KHDRBS1: variants seen among roughly 807,000 people sequenced by gnomAD.
The protein encoded by KHDRBS1 is KH RNA binding domain containing, signal transduction associated 1.
A neutral mutation model predicts 48.4 loss-of-function variants in KHDRBS1; 7 were observed. The ratio of observed to expected loss-of-function variants is 0.14; its 90% CI spans 0.08 to 0.27. The LOEUF (loss-of-function observed/expected upper bound fraction) is 0.27, where lower values mean the gene tolerates loss of function less well. Ranked by LOEUF, KHDRBS1 falls within the 10% of genes least tolerant of loss-of-function variation. KHDRBS1 has a pLI of 1.00. For missense variants in KHDRBS1, 458 were observed against 601.2 expected (o/e 0.76, Z 2.49); for synonymous variants, 241 against 235.8 (o/e 1.02, Z -0.20).
intron 10 of KHDRBS1, among the ~76,000 whole-genome samples, chr1:32,055,860 A>AT (rs966496221): frequency 3.9e-5 from 6 of 151,998 alleles, no homozygotes; most frequent in Non-Finnish European, 7.4e-5. Flanking sequence ...GACCTCTAGA[A>AT]TCCATTTTCC....
intron 1 of KHDRBS1, among the ~76,000 whole-genome samples, chr1:32,017,679 C>T (rs1360774274): frequency 1.5e-5 from 2 of 129,380 alleles, no homozygotes; most frequent in African/African-American, 6.0e-5. Flanking sequence ...GCGATCTTGG[C>T]TCACCGCAAC....
downstream of KHDRBS1, among the ~76,000 whole-genome samples, chr1:32,046,855 T>C (rs1639364193): frequency 6.6e-6 from 1 of 152,210 alleles, no homozygotes; most frequent in African/African-American, 2.4e-5. Flanking sequence ...GCATATGTAC[T>C]GAACAAGATT....
intron 10 of KHDRBS1, among the ~76,000 whole-genome samples, chr1:32,059,963 G>A (rs1300775375): frequency 6.6e-6 from 1 of 152,108 alleles, no homozygotes; most frequent in African/African-American, 2.4e-5. Flanking sequence ...TTACCAGACA[G>A]ACAGTAAAAA....
chr1:32,038,469 C>G, intron 6 of KHDRBS1, 83 bp from the exon 7 acceptor site: 3 of 1,330,582 alleles, frequency 2.3e-6, no homozygotes, highest in Non-Finnish European at 3.2e-6. Flanking sequence ...CAGAAGCCTA[C>G]TTACTCCCAT....
At chr1:32,036,840 C>T (rs1034402297) in intron 4 of KHDRBS1, 70 bp from the exon 5 acceptor site, 27 of 1,503,082 alleles carry the variant, frequency 1.8e-5, no homozygotes, top group South Asian at 6.4e-5. Context: ...TCAAGTCTCC[C>T]GTGGACCAGA....
At chr1:32,046,238 G>A (rs916704031), downstream of KHDRBS1, among the ~76,000 whole-genome samples, 6 of 149,418 alleles carry the variant, frequency 4.0e-5, no homozygotes, top group East Asian at 1.9e-4. Context: ...TTTTTGAGAC[G>A]GAGCCCTGCT....
chr1:32,026,310 C>T (rs1638969788), intron 1 of KHDRBS1, among the ~76,000 whole-genome samples: 1 of 152,052 alleles, frequency 6.6e-6, no homozygotes, highest in Non-Finnish European at 1.5e-5. Context: ...AGGCGCATAC[C>T]ACCATGCCTG....
chr1:32,042,688 A>C lies in KHDRBS1; in HGVS notation c.*64A>C. ...TTGTTACTGATTTCTTGTATCTCCC[A>C]GGATTCCTGTTGCTTTACCCACAAC... is the stretch of plus-strand genomic sequence containing the variant. On this transcript the variant is annotated 3_prime_UTR_variant, in exon 9 of 9. Transcript: ENST00000327300. 1 of 1,018,810 alleles carries C rather than the reference A, an allele frequency of 9.8e-7. No individual in the cohort carries two copies. Among genetic ancestry groups the C allele is most frequent in the African/African-American group, 1.6e-5 (1 of 63,460 alleles). 63.1% of individuals were successfully genotyped at this position (1,018,810 alleles called of 1,614,324 possible). A position where few individuals can be genotyped will look rare whatever the true frequency, so the allele number is the denominator to read the frequency against.
In KHDRBS1 at chr1:32,033,345, C is replaced by T; in HGVS notation, c.771+11C>T. The T allele has an allele frequency of 6.2e-7, 1 of 1,613,438 alleles. No individual in the cohort carries two copies. The highest frequency in any genetic ancestry group is 8.5e-7 in the Non-Finnish European group (1 of 1,179,380). On this transcript the variant is annotated intron_variant, in intron 4 of 8. Coordinates refer to ENST00000327300, the MANE Select transcript of KHDRBS1 (RefSeq NM_006559.3). Reference sequence around the variant, plus strand: ...AAATTTCTAGTACCGGTAAGGAAATCCATATCCTGTGTCTTCTGAGCAAAA... The same window carrying T: ...AAATTTCTAGTACCGGTAAGGAAATTCATATCCTGTGTCTTCTGAGCAAAA...
chr1:32,030,798 T>C (rs1160030895), intron 2 of KHDRBS1, among the ~76,000 whole-genome samples: 1 of 152,102 alleles, frequency 6.6e-6, no homozygotes, highest in Non-Finnish European at 1.5e-5. Context: ...TAATTTTATT[T>C]TCTTACTAAA....
At chr1:32,047,221 T>C (rs1639367606), downstream of KHDRBS1, among the ~76,000 whole-genome samples, 1 of 152,144 alleles carries the variant, frequency 6.6e-6, no homozygotes, top group African/African-American at 2.4e-5. Flanking sequence ...TGCAGTGGTG[T>C]GATTTCAGCT....
intron 1 of KHDRBS1, among the ~76,000 whole-genome samples, chr1:32,026,727 G>A (rs1462539703): frequency 1.3e-5 from 2 of 152,160 alleles, no homozygotes; most frequent in Non-Finnish European, 1.5e-5. Context: ...CAGCTGAAAG[G>A]TCTAACTCAA....
At chr1:32,029,749 T>C (rs181603075) in intron 1 of KHDRBS1, among the ~76,000 whole-genome samples, 9 of 152,332 alleles carry the variant, frequency 5.9e-5, no homozygotes, top group African/African-American at 1.9e-4. Context: ...TTAAGTACTT[T>C]ATGAAAAATT....
chr1:32,022,912 A>T (rs904610775), intron 1 of KHDRBS1, among the ~76,000 whole-genome samples: 5 of 152,106 alleles, frequency 3.3e-5, no homozygotes, highest in African/African-American at 1.2e-4. Context: ...AGTTCAGTTA[A>T]TGATATATTT....
At chr1:32,056,493 G>A (rs1439058565) in intron 10 of KHDRBS1, among the ~76,000 whole-genome samples, 1 of 152,182 alleles carries the variant, frequency 6.6e-6, no homozygotes, top group Non-Finnish European at 1.5e-5. Flanking sequence ...AACCTCTGGT[G>A]CCCACCTCAG....
At chr1:32,039,489 C>T in intron 7 of KHDRBS1, 26 bp from the exon 8 acceptor site, 1 of 1,114,276 alleles carries the variant, frequency 9.0e-7, no homozygotes, top group Non-Finnish European at 1.4e-6. Flanking sequence ...TCTGTAGCTT[C>T]CTAACACTCT....
chr1:32,027,362 G>A (rs1365800272), intron 1 of KHDRBS1, among the ~76,000 whole-genome samples: 1 of 152,158 alleles, frequency 6.6e-6, no homozygotes. Context: ...GTGTAGTCAG[G>A]TACAGTAGGC....
chr1:32,016,414 C>T (rs999376139), intron 1 of KHDRBS1, among the ~76,000 whole-genome samples: 2 of 152,088 alleles, frequency 1.3e-5, no homozygotes, highest in Non-Finnish European at 2.9e-5. Flanking sequence ...GGTCAGTCTA[C>T]ACACCTTCCC....
intron 7 of KHDRBS1, 33 bp from the exon 8 acceptor site, chr1:32,039,482 G>A (rs1639243273): frequency 3.0e-6 from 3 of 1,004,472 alleles, no homozygotes; most frequent in Non-Finnish European, 4.8e-6. Flanking sequence ...TAGTTACTCT[G>A]TAGCTTCCTA....
Sources: allele counts gnomAD v4.1 joint callset (sites outside exome capture counted in the v4.1 genomes callset), GRCh38; gene constraint gnomAD v4.1.1; transcripts MANE v1.5; gene names NCBI Gene and HGNC (gene_info 2026-07-23, HGNC 2026-07-21).